GPC6: variants seen among roughly 807,000 people sequenced by gnomAD.
The protein encoded by GPC6 is glypican-6.
A neutral mutation model predicts 55.2 loss-of-function variants in GPC6; 14 were observed. That is an observed-to-expected ratio of 0.25 (90% CI 0.17 to 0.40). GPC6 has a LOEUF of 0.40. GPC6 is among the 10% of genes least tolerant of loss of function. The pLI is 1.00. For synonymous variants in GPC6, 278 were observed against 259.6 expected, an observed-to-expected ratio of 1.07 and a Z score of -0.68; for missense variants, 641 against 708.5, an observed-to-expected ratio of 0.90 and a Z score of 1.08.
At chr13:93,284,671 T>C (rs368019946) in intron 1 of GPC6, among the ~76,000 whole-genome samples, 81 of 152,274 alleles carry the variant, frequency 5.3e-4, no homozygotes, top group African/African-American at 1.9e-3. Context: ...TCAAAACTGA[T>C]TTACCATATA....
At chr13:94,276,972 A>T (rs1892232670) in intron 4 of GPC6, among the ~76,000 whole-genome samples, 1 of 152,062 alleles carries the variant, frequency 6.6e-6, no homozygotes, top group Non-Finnish European at 1.5e-5. Context: ...GTTTCTAAGT[A>T]AATTGGTATT....
At chr13:93,589,394 T>C (rs770620181) in intron 2 of GPC6, among the ~76,000 whole-genome samples, 1 of 152,230 alleles carries the variant, frequency 6.6e-6, no homozygotes, top group Non-Finnish European at 1.5e-5. Flanking sequence ...CAATTATCTA[T>C]GTATCCATCC....
intron 1 of GPC6, among the ~76,000 whole-genome samples, chr13:93,459,873 T>C (rs974126152): frequency 6.6e-6 from 1 of 152,174 alleles, no homozygotes; most frequent in African/African-American, 2.4e-5. Flanking sequence ...TCCCCTGAAT[T>C]TGTGGCATGT....
Position 93,757,395 on chromosome 13 carries a change from T to G in GPC6, c.320-72759T>G, listed in dbSNP as rs1383885209. Reference sequence around the variant, plus strand: ...GAGACACCCACAGAAGGTTGTAGCTTGGAGCAGCACAATGAATCAGTAACA... The same window carrying G: ...GAGACACCCACAGAAGGTTGTAGCTGGGAGCAGCACAATGAATCAGTAACA... On this transcript the variant is annotated intron_variant, in intron 2 of 8. Coordinates refer to ENST00000377047, the MANE Select transcript of GPC6 (RefSeq NM_005708.5). Among the ~76,000 whole-genome samples, 4 of 152,238 alleles carry G rather than the reference T, an allele frequency of 2.6e-5. No individual in the cohort carries two copies. In the East Asian group the frequency reaches 7.8e-4, roughly 30 times the overall value.
intron 5 of GPC6, among the ~76,000 whole-genome samples, chr13:94,288,237 G>T (rs1892584356): frequency 6.6e-6 from 1 of 151,976 alleles, no homozygotes; most frequent in Non-Finnish European, 1.5e-5. Context: ...CCAGGGCCTG[G>T]ACATATTTGA....
At chr13:94,285,286 A>G (rs749076868) in intron 4 of GPC6, among the ~76,000 whole-genome samples, 3 of 152,202 alleles carry the variant, frequency 2.0e-5, no homozygotes, top group Non-Finnish European at 2.9e-5. Context: ...CCCAAGGCCA[A>G]GAAGGCACCT....
At chr13:93,656,852 A>T (rs764035268) in intron 2 of GPC6, among the ~76,000 whole-genome samples, 9 of 152,110 alleles carry the variant, frequency 5.9e-5, no homozygotes, top group African/African-American at 2.2e-4. Context: ...TCTGATTCAC[A>T]ATAGCCACCA....
chr13:93,824,909 A>G (rs1032948905), intron 2 of GPC6, among the ~76,000 whole-genome samples: 2 of 152,118 alleles, frequency 1.3e-5, no homozygotes, highest in East Asian at 1.9e-4. Flanking sequence ...CTATCATGTA[A>G]CAGGCACCAT....
intron 4 of GPC6, among the ~76,000 whole-genome samples, chr13:94,231,626 G>A (rs151161904): frequency 6.6e-5 from 10 of 152,218 alleles, no homozygotes; most frequent in East Asian, 3.9e-4. Flanking sequence ...CAAATTGGGC[G>A]AAACATTTTC....
At chr13:93,982,736 A>G (rs9301921) in intron 3 of GPC6, among the ~76,000 whole-genome samples, 23,756 of 152,182 alleles carry the variant, frequency 0.16, 2,002 homozygotes, top group East Asian at 0.27. Context: ...TGAACTGTTA[A>G]TCAGAATCTG....
At chr13:93,644,492 A>G (rs1455730670) in intron 2 of GPC6, among the ~76,000 whole-genome samples, 1 of 152,074 alleles carries the variant, frequency 6.6e-6, no homozygotes, top group Non-Finnish European at 1.5e-5. Flanking sequence ...TTTCCACATT[A>G]CATAACAGTC....
intron 1 of GPC6, among the ~76,000 whole-genome samples, chr13:93,336,370 G>A (rs917943291): frequency 1.3e-5 from 2 of 152,164 alleles, no homozygotes; most frequent in African/African-American, 4.8e-5. Context: ...AATATTCCTA[G>A]GAGCAATAAT....
intron 3 of GPC6, among the ~76,000 whole-genome samples, chr13:94,013,988 T>G: frequency 6.6e-6 from 1 of 152,196 alleles, no homozygotes; most frequent in East Asian, 1.9e-4. Context: ...TAAATTAAAT[T>G]TTTAAAAATA....
At chr13:93,273,323 A>G (rs1272475370) in intron 1 of GPC6, among the ~76,000 whole-genome samples, 1 of 152,204 alleles carries the variant, frequency 6.6e-6, no homozygotes, top group Non-Finnish European at 1.5e-5. Flanking sequence ...TAGACATACA[A>G]TCCTTTGCTG....
intron 4 of GPC6, among the ~76,000 whole-genome samples, chr13:94,253,693 C>A (rs1891424285): frequency 6.6e-6 from 1 of 152,018 alleles, no homozygotes; most frequent in Non-Finnish European, 1.5e-5. Flanking sequence ...CTTACTACAT[C>A]TGGTTAGTCA....
intron 2 of GPC6, among the ~76,000 whole-genome samples, chr13:93,609,824 T>C (rs1220572119): frequency 1.3e-5 from 2 of 152,186 alleles, no homozygotes; most frequent in African/African-American, 4.8e-5. Context: ...CTCCCTTGGC[T>C]ATTGGAACAC....
intron 1 of GPC6, among the ~76,000 whole-genome samples, chr13:93,444,976 G>A (rs1044866040): frequency 2.6e-5 from 4 of 152,094 alleles, no homozygotes; most frequent in Admixed American, 6.6e-5. Flanking sequence ...ACAGTAGTAC[G>A]TTCAGTCTTT....
At chr13:93,676,071 G>A (rs1443005678) in intron 2 of GPC6, among the ~76,000 whole-genome samples, 1 of 137,134 alleles carries the variant, frequency 7.3e-6, no homozygotes, top group African/African-American at 2.9e-5. Context: ...AGGAGTTCGA[G>A]ACCAGCCTGG....
chr13:93,955,388 C>G (rs1251624637), intron 3 of GPC6, among the ~76,000 whole-genome samples: 1 of 151,668 alleles, frequency 6.6e-6, no homozygotes, highest in Non-Finnish European at 1.5e-5. Context: ...GCAGAGAGCA[C>G]CAGCTTCAAA....
Sources: allele counts gnomAD v4.1 joint callset (sites outside exome capture counted in the v4.1 genomes callset), GRCh38; gene constraint gnomAD v4.1.1; transcripts MANE v1.5; gene names NCBI Gene and HGNC (gene_info 2026-07-23, HGNC 2026-07-21).